The following UBR3 variants were observed in gnomAD, a reference collection of about 807,000 sequenced individuals.
The protein encoded by UBR3 is E3 ubiquitin-protein ligase UBR3.
In UBR3, 85 loss-of-function variants were observed where a neutral mutation model predicts 243.2. That is an observed-to-expected ratio of 0.35 (90% CI 0.29 to 0.42). The LOEUF is 0.42. Among genes scored for constraint, UBR3 ranks in the 10% least tolerant of loss-of-function variants. The probability of loss-of-function intolerance (pLI) is 1.00; values close to 1 mark genes in which losing one functional copy is unlikely to be tolerated. For missense variants in UBR3, 1,686 were observed against 2,300.8 expected (o/e 0.73, Z 5.47); for synonymous variants, 748 against 799.8 (o/e 0.94, Z 1.09).
At chr2:169,979,016 T>C (rs1310619436) in intron 24 of UBR3, among the ~76,000 whole-genome samples, 1 of 152,066 alleles carries the variant, frequency 6.6e-6, no homozygotes, top group Non-Finnish European at 1.5e-5. Flanking sequence ...AAAACACACA[T>C]CTGATAAAGG....
At position 169,960,356 on chromosome 2, in the gene UBR3, A is replaced by T. The variant is rs572473574; in HGVS notation, c.3634+1830A>T. 6.5e-4 allele frequency among the ~76,000 whole-genome samples: 99 copies of T among 151,926 alleles called. 1 individual carries two copies. The highest frequency in any genetic ancestry group is 3.2e-3 in the Admixed American group (49 of 15,214). On this transcript the variant is annotated intron_variant, in intron 24 of 38. Coordinates refer to ENST00000272793, the MANE Select transcript of UBR3 (RefSeq NM_172070.4). ...GGTTCCAGCCCCAAGATATCTCTTT[A>T]TATCTATGTAAATATTCTGAAATCT...
intron 24 of UBR3, among the ~76,000 whole-genome samples, chr2:169,985,304 C>T (rs1475190252): frequency 6.8e-6 from 1 of 147,538 alleles, no homozygotes; most frequent in African/African-American, 2.5e-5. Flanking sequence ...TCTCGGCTAA[C>T]TGCAACCTCT....
intron 35 of UBR3, among the ~76,000 whole-genome samples, chr2:170,063,455 G>T (rs2091493377): frequency 1.4e-5 from 2 of 147,148 alleles, no homozygotes; most frequent in Non-Finnish European, 3.0e-5. Context: ...TCTGTCATCT[G>T]TGTAATCTTA....
Position 169,983,252 on chromosome 2 carries a change from CTTTTT to C in UBR3, c.3635-3375_3635-3371del, listed in dbSNP as rs72194627. ...TGTTGTTTTTGCCACATTCTCTCTC[CTTTTT>C]TTTTTTTTTTTTTTTTTGAGATGGA... On this transcript the variant is annotated intron_variant, in intron 24 of 38. Coordinates refer to ENST00000272793, the MANE Select transcript of UBR3 (RefSeq NM_172070.4). 3.3e-3 allele frequency among the ~76,000 whole-genome samples: 236 copies of C among 71,986 alleles called. 3 individuals carry two copies. Among genetic ancestry groups the C allele is most frequent in the African/African-American group, 0.013 (228 of 16,908 alleles). 47.2% of individuals were successfully genotyped at this position (71,986 alleles called of 152,430 possible).
At position 169,896,547 on chromosome 2, in the gene UBR3, T is replaced by C; in HGVS notation, c.1277T>C (p.Ile426Thr). The C allele has an allele frequency of 6.5e-7, 1 of 1,549,296 alleles. No homozygotes were observed. Among genetic ancestry groups the C allele is most frequent in the Non-Finnish European group, 8.7e-7 (1 of 1,145,452 alleles). ...ACTTTTGTTCAGCATTATGCTTTCA[T>C]TATGAAAACACTGAAGAAAAGTCAT... ...TKTFVQHYAF[I>T]MKTLKKSHES... is the part of the protein sequence containing the mutation. Residue 426 changes from isoleucine (I) to threonine (T), a missense_variant, in exon 8 of 39, where the codon ATT (isoleucine) becomes ACT (threonine). Physicochemically the swap from Ile to Thr is moderately conservative, Grantham distance 89. Transcript: ENST00000272793.
At chr2:169,990,553 G>C (rs1440440427) in intron 25 of UBR3, among the ~76,000 whole-genome samples, 1 of 152,046 alleles carries the variant, frequency 6.6e-6, no homozygotes, top group Non-Finnish European at 1.5e-5. Flanking sequence ...TAATGTTCTT[G>C]TTTGTGGAAG....
chr2:169,909,307 C>T (rs2085155783), intron 10 of UBR3, among the ~76,000 whole-genome samples: 1 of 152,184 alleles, frequency 6.6e-6, no homozygotes, highest in African/African-American at 2.4e-5. Flanking sequence ...ATCAGATTTA[C>T]ACTTAAAAGA....
chr2:169,835,839 T>C (rs748616511), intron 1 of UBR3, among the ~76,000 whole-genome samples: 3 of 151,944 alleles, frequency 2.0e-5, no homozygotes, highest in Admixed American at 1.3e-4. Context: ...CAGATACCTT[T>C]GTACTTACCA....
chr2:170,032,927 A>G (rs1184110000), intron 31 of UBR3, among the ~76,000 whole-genome samples: 2 of 152,064 alleles, frequency 1.3e-5, no homozygotes, highest in Non-Finnish European at 1.5e-5. Context: ...CATAAAAACA[A>G]CAAAAACAAA....
rs146065987 is a variant in UBR3 at position 170,073,592 on chromosome 2, T to C, written c.5184T>C (p.His1728=). 7 of 1,613,048 alleles carry C rather than the reference T, an allele frequency of 4.3e-6. No homozygotes were observed. Among genetic ancestry groups the C allele is most frequent in the African/African-American group, 2.7e-5 (2 of 74,838 alleles). Residue 1728 remains histidine (H), a synonymous_variant, in exon 36 of 39, where the codon CAT becomes CAC. Transcript: ENST00000272793. ...AGATAAAATCATTTACTGAAAGACA[T>C]GCAGAACAAGGAAAGGTATGTTAAA... ...CFEIKSFTER[H]AEQGKALLIQ...
rs73024480 is a variant in UBR3, at chr2:169,872,387, T to C, written c.685+12T>C. ...CTATAATGAACCAGGTATGTTTTAATCTACTTCTTGTTAGTACTCTTTTTA... is the reference window on the plus strand; with the variant it reads ...CTATAATGAACCAGGTATGTTTTAACCTACTTCTTGTTAGTACTCTTTTTA... On this transcript the variant is annotated intron_variant, in intron 2 of 38. Transcript: ENST00000272793. The C allele has an allele frequency of 0.049, 70,513 of 1,436,330 alleles. 1,861 individuals are homozygous for C. Among genetic ancestry groups the C allele is most frequent in the Non-Finnish European group, 0.054 (57,097 of 1,064,256 alleles). The allele number at this position is 1,436,330 out of a possible 1,614,324, so 89.0% of individuals were successfully genotyped here. A position where few individuals can be genotyped will look rare whatever the true frequency, so the allele number is the denominator to read the frequency against.
At chr2:169,847,384 CTT>C (rs1361623706) in intron 1 of UBR3, among the ~76,000 whole-genome samples, 1 of 151,970 alleles carries the variant, frequency 6.6e-6, no homozygotes, top group Non-Finnish European at 1.5e-5. Flanking sequence ...TTATTGATCT[CTT>C]TATGGTTTAT....
intron 1 of UBR3, among the ~76,000 whole-genome samples, chr2:169,837,154 T>C (rs1397311875): frequency 6.6e-6 from 1 of 152,092 alleles, no homozygotes; most frequent in Non-Finnish European, 1.5e-5. Flanking sequence ...GAGATTGAGG[T>C]CTGTATTAGT....
chr2:169,843,690 C>T (rs944316468), intron 1 of UBR3, among the ~76,000 whole-genome samples: 1 of 152,114 alleles, frequency 6.6e-6, no homozygotes, highest in Non-Finnish European at 1.5e-5. Flanking sequence ...ATTTAAGTTG[C>T]TTGTATTTTG....
chr2:169,887,655 A>G (rs1195447520), intron 5 of UBR3, among the ~76,000 whole-genome samples: 3 of 152,230 alleles, frequency 2.0e-5, no homozygotes, highest in African/African-American at 7.2e-5. Context: ...ATCCATATTC[A>G]TTGTTGAATA....
chr2:169,932,308 C>T (rs539709117), intron 18 of UBR3, among the ~76,000 whole-genome samples: 11 of 152,246 alleles, frequency 7.2e-5, no homozygotes, highest in Non-Finnish European at 4.4e-5. Flanking sequence ...AAACTACTGA[C>T]CTCAAGTGAT....
chr2:170,053,727 G>A (rs2091274019), intron 32 of UBR3, among the ~76,000 whole-genome samples: 1 of 152,172 alleles, frequency 6.6e-6, no homozygotes, highest in African/African-American at 2.4e-5. Context: ...GAATTAACAG[G>A]ACTTGGTGAT....
intron 1 of UBR3, among the ~76,000 whole-genome samples, chr2:169,831,010 G>C (rs1177910884): frequency 4.7e-5 from 7 of 149,758 alleles, no homozygotes; most frequent in African/African-American, 1.7e-4. Flanking sequence ...CCAGGCTATA[G>C]ACAGTCAACA....
chr2:169,884,365 G>A (rs1421501904), intron 5 of UBR3, among the ~76,000 whole-genome samples: 3 of 151,942 alleles, frequency 2.0e-5, no homozygotes, highest in Non-Finnish European at 4.4e-5. Context: ...TGTTAGCCAG[G>A]ATGGTCTTGA....
Sources: gnomAD v4.1 joint callset for allele counts (sites outside exome capture counted in the v4.1 genomes callset) on GRCh38, gnomAD v4.1.1 for gene constraint, MANE v1.5 for transcripts, NCBI Gene and HGNC (gene_info 2026-07-23, HGNC 2026-07-21) for gene names.